PLCH2: variants seen among roughly 807,000 people sequenced by gnomAD.
PLCH2 encodes the protein 1-phosphatidylinositol 4,5-bisphosphate phosphodiesterase eta-2.
PLCH2 carries 98 observed loss-of-function variants against 134.7 expected under a neutral mutation model. That is an observed-to-expected ratio of 0.73 (90% CI 0.62 to 0.86). The LOEUF (loss-of-function observed/expected upper bound fraction) is 0.86, where lower values mean the gene tolerates loss of function less well. Among genes scored for constraint, PLCH2 ranks in the 40% least tolerant of loss-of-function variants. The pLI is 0.00. For missense variants in PLCH2, 1,994 were observed against 1,986.6 expected (o/e 1.00, Z -0.07); for synonymous variants, 974 against 827.5 (o/e 1.18, Z -3.04).
At chr1:2,435,380 C>G (rs551249446) in intron 2 of PLCH2, among the ~76,000 whole-genome samples, 6 of 152,262 alleles carry the variant, frequency 3.9e-5, no homozygotes, top group South Asian at 4.1e-4. Context: ...GGTCCCCGGG[C>G]TCTGGGCTGA....
In PLCH2 at chr1:2,496,853, C is replaced by T. The variant is rs1292974415; in HGVS notation, c.1959C>T (p.Ser653=). 3 of 1,612,516 alleles carry T rather than the reference C, an allele frequency of 1.9e-6. No homozygotes were observed. The highest frequency in any genetic ancestry group is 2.5e-6 in the Non-Finnish European group (3 of 1,179,532). Residue 653 remains serine (S), a synonymous_variant, in exon 15 of 22, where the codon TCC becomes TCT. Coordinates refer to ENST00000378486, the MANE Select transcript of PLCH2 (RefSeq NM_014638.4). ...CGGCGTCCAGCTGGCAGGTGTCGTC[C>T]TTCAGCGAGACCAAGGCCCACCAGA... The part of the protein sequence containing the change: ...MEAASSWQVS[S]FSETKAHQIL...
chr1:2,437,727 C>A (rs1639495212), intron 2 of PLCH2, among the ~76,000 whole-genome samples: 1 of 152,244 alleles, frequency 6.6e-6, no homozygotes, highest in Non-Finnish European at 1.5e-5. Flanking sequence ...TGCAGACATG[C>A]ACATACACGT....
intron 2 of PLCH2, among the ~76,000 whole-genome samples, chr1:2,456,208 A>T (rs943881846): frequency 3.3e-5 from 5 of 152,162 alleles, no homozygotes; most frequent in African/African-American, 1.2e-4. Flanking sequence ...CCAGCACCAG[A>T]TCACCTGGTG....
upstream of PLCH2, among the ~76,000 whole-genome samples, chr1:2,473,914 T>TA (rs2100630366): frequency 6.6e-6 from 1 of 152,316 alleles, no homozygotes; most frequent in East Asian, 1.9e-4. Context: ...CCACCTGAGC[T>TA]CCCACATCAG....
rs183025264 is a variant in PLCH2, at chr1:2,461,641, T to C, written c.116-16835T>C. Among the ~76,000 whole-genome samples the C allele has an allele frequency of 2.5e-3, 382 of 152,298 alleles. 1 individual carries two copies. The highest frequency in any genetic ancestry group is 8.2e-3 in the African/African-American group (340 of 41,556). On this transcript the variant is annotated intron_variant, in intron 2 of 3. Transcript: ENST00000609981. Reference sequence around the variant, plus strand: ...ACACTGTGGGGACAGTGACGCCCACTGGACACCCCATCCCCATGCCTCCCG... The same window carrying C: ...ACACTGTGGGGACAGTGACGCCCACCGGACACCCCATCCCCATGCCTCCCG...
chr1:2,423,365 GA>G (rs1638614595), upstream of PLCH2, among the ~76,000 whole-genome samples: 2 of 152,116 alleles, frequency 1.3e-5, no homozygotes, highest in Admixed American at 1.3e-4. Flanking sequence ...TTTTTTTAAA[GA>G]GATGGGATCT....
Position 2,494,624 on chromosome 1 carries a change from A to C in PLCH2, c.1660-232A>C, listed in dbSNP as rs965124707. The C allele has an allele frequency of 5.1e-4, 298 of 587,626 alleles. 1 individual carries two copies. Among genetic ancestry groups the C allele is most frequent in the Non-Finnish European group, 7.7e-4 (253 of 328,798 alleles). The allele number at this position is 587,626 out of a possible 1,614,324, so 36.4% of individuals were successfully genotyped here. A position where few individuals can be genotyped will look rare whatever the true frequency, so the allele number is the denominator to read the frequency against. On this transcript the variant is annotated intron_variant, in intron 11 of 21. Transcript: ENST00000378486. ...ATGTTTCCACCGGGGCCTGACTTTC[A>C]GGCCGCTTCTCCTCGGCAGCTGCCT... is the stretch of plus-strand genomic sequence containing the variant.
chr1:2,489,610 G>A, intron 9 of PLCH2, 150 bp from the exon 10 acceptor site: 1 of 730,144 alleles, frequency 1.4e-6, no homozygotes, highest in Non-Finnish European at 2.3e-6. Flanking sequence ...CAGGGAGCTG[G>A]CCAGTCTGGC....
intron 2 of PLCH2, among the ~76,000 whole-genome samples, chr1:2,436,355 C>T (rs1404394479): frequency 1.7e-3 from 113 of 64,620 alleles, no homozygotes; most frequent in Non-Finnish European, 3.1e-3. Context: ...TTCCTCCCTT[C>T]CTCCCTCCTC....
chr1:2,502,396 C>A lies in PLCH2; in HGVS notation c.2946C>A (p.Ser982Arg). Residue 982 changes from serine (S) to arginine (R), a missense_variant, in exon 21 of 22, where the codon AGC (serine) becomes AGA (arginine). By Grantham distance (110) the Ser-to-Arg change is moderately radical. Transcript: ENST00000378486. ...CCCCAGCCCAGGAGGGGCCCGGCAG[C>A]GGCAGCCCCCGAGGTAAGGCGCCAG... ...PEAPAQEGPG[S>R]GSPRDTRPLS... The A allele has an allele frequency of 6.5e-7, 1 of 1,543,108 alleles. No individual in the cohort carries two copies.
intron 2 of PLCH2, among the ~76,000 whole-genome samples, chr1:2,445,643 G>T (rs192598931): frequency 3.3e-5 from 5 of 152,070 alleles, no homozygotes; most frequent in East Asian, 1.9e-4. Flanking sequence ...CTGCCCAGAG[G>T]GGGGAGGCAG....
chr1:2,451,429 C>T (rs1042986791), intron 2 of PLCH2, among the ~76,000 whole-genome samples: 34 of 152,176 alleles, frequency 2.2e-4, no homozygotes, highest in Admixed American at 2.0e-4. Flanking sequence ...AGATCAGTGC[C>T]GCCCCTCTGG....
At chr1:2,449,954 G>A (rs1640114429) in intron 2 of PLCH2, among the ~76,000 whole-genome samples, 1 of 152,240 alleles carries the variant, frequency 6.6e-6, no homozygotes, top group African/African-American at 2.4e-5. Context: ...ATAAGTGGGA[G>A]GCTGGCCTCG....
chr1:2,441,373 G>A (rs760559721), intron 2 of PLCH2, among the ~76,000 whole-genome samples: 28 of 152,268 alleles, frequency 1.8e-4, no homozygotes, highest in Non-Finnish European at 3.4e-4. Flanking sequence ...GCCTGCACTG[G>A]GAGGGGCTGA....
chr1:2,505,005 C>A lies in PLCH2; in HGVS notation c.4043C>A (p.Ala1348Asp). The A allele has an allele frequency of 1.3e-6, 2 of 1,544,716 alleles. No individual in the cohort carries two copies. The highest frequency in any genetic ancestry group is 8.7e-7 in the Non-Finnish European group (1 of 1,150,992). Residue 1348 changes from alanine (A) to aspartate (D), a missense_variant, in exon 22 of 22, where the codon GCC (alanine) becomes GAC (aspartate). Ala to Asp is a moderately radical substitution (Grantham distance 126, BLOSUM62 -2). This residue lies in a region of PLCH2 where 900 missense variants were observed against 752.3 expected (regional missense o/e 1.20). Transcript: ENST00000378486. ...TCCCGCAGCCACAGCCGCGTGCGTG[C>A]CATTGCCAGCCGGGCCCGCCAGGCC... ...SSSRSHSRVR[A>D]IASRARQAQE...
At chr1:2,423,379 C>T (rs1004162025), upstream of PLCH2, among the ~76,000 whole-genome samples, 8 of 152,142 alleles carry the variant, frequency 5.3e-5, no homozygotes, top group Non-Finnish European at 8.8e-5. Context: ...TGGGATCTTG[C>T]TCTGTTGTCC....
chr1:2,424,115 GTAGA>G (rs1274100272), upstream of PLCH2, among the ~76,000 whole-genome samples: 13 of 152,064 alleles, frequency 8.5e-5, no homozygotes, highest in Non-Finnish European at 1.9e-4. Flanking sequence ...TATTTATGAG[GTAGA>G]TAGTGATGTT....
chr1:2,499,965 G>A, intron 20 of PLCH2: 1 of 592,594 alleles, frequency 1.7e-6, no homozygotes, highest in Non-Finnish European at 3.0e-6. Context: ...CAGGTCCTGA[G>A]TGCTCCGGGC....
intron 2 of PLCH2, among the ~76,000 whole-genome samples, chr1:2,451,423 C>G (rs1377755810): frequency 6.6e-6 from 1 of 152,200 alleles, no homozygotes; most frequent in Admixed American, 6.5e-5. Flanking sequence ...CTGTACAGAT[C>G]AGTGCCGCCC....
Sources: gnomAD v4.1 joint callset for allele counts (sites outside exome capture counted in the v4.1 genomes callset) on GRCh38, gnomAD v4.1.1 for gene constraint, gnomAD v4.1.1 regional missense constraint, MANE v1.5 for transcripts, NCBI Gene and HGNC (gene_info 2026-07-23, HGNC 2026-07-21) for gene names.